The following TP63 variants were observed in gnomAD, a reference collection of about 807,000 sequenced individuals.
TP63 encodes the protein tumor protein p63, also known as tumor protein 63.
Under a neutral mutation model 82.8 loss-of-function variants are expected in TP63, and 17 were observed. That is an observed-to-expected ratio of 0.21 (90% confidence interval 0.14 to 0.31). The LOEUF (loss-of-function observed/expected upper bound fraction) is 0.31. Among genes scored for constraint, TP63 ranks in the 10% least tolerant of loss-of-function variants. The pLI is 1.00. For synonymous variants in TP63, 330 were observed against 321.7 expected, an observed-to-expected ratio of 1.03 and a Z score of -0.28; for missense variants, 648 against 895.3, an observed-to-expected ratio of 0.72 and a Z score of 3.52.
intron 1 of TP63, among the ~76,000 whole-genome samples, chr3:189,702,105 G>C (rs528957233): frequency 4.5e-4 from 68 of 152,220 alleles, no homozygotes; most frequent in African/African-American, 1.6e-3. Context: ...CCAGAGTCTG[G>C]GTCCTGCTGA....
chr3:189,890,974 A>G, intron 13 of TP63, 92 bp downstream of exon 13: 1 of 1,341,308 alleles, frequency 7.5e-7, no homozygotes, highest in Non-Finnish European at 1.0e-6. Flanking sequence ...GATAGTTTAA[A>G]AATTTGTTTT....
intron 1 of TP63, among the ~76,000 whole-genome samples, chr3:189,647,853 A>T (rs4627739): frequency 0.44 from 64,570 of 146,176 alleles, 17,935 homozygotes; most frequent in East Asian, 0.55. Context: ...ACTAAAAAGT[A>T]TGCGTACATT....
At chr3:189,828,721 C>T (rs551169309) in intron 4 of TP63, among the ~76,000 whole-genome samples, 99 of 152,246 alleles carry the variant, frequency 6.5e-4, no homozygotes, top group African/African-American at 2.2e-3. Flanking sequence ...TTGGCTAGGC[C>T]GTTTTGCTGC....
chr3:189,702,936 A>G (rs1000509547), intron 1 of TP63, among the ~76,000 whole-genome samples: 2 of 152,250 alleles, frequency 1.3e-5, no homozygotes, highest in Admixed American at 6.5e-5. Flanking sequence ...GGCTCAGGCA[A>G]TGTGTGCCAG....
intron 1 of TP63, among the ~76,000 whole-genome samples, chr3:189,688,774 T>C (rs773188104): frequency 6.6e-6 from 1 of 152,092 alleles, no homozygotes; most frequent in Non-Finnish European, 1.5e-5. Context: ...GCTGAAGAGG[T>C]CCTGGCAGGA....
intron 3 of TP63, among the ~76,000 whole-genome samples, chr3:189,744,248 G>C (rs1482474796): frequency 6.6e-6 from 1 of 152,188 alleles, no homozygotes; most frequent in Non-Finnish European, 1.5e-5. Context: ...CGCAGCTGCT[G>C]TCACTGTGGT....
At chr3:189,875,605 T>TATATATATATATATATAC (rs1718994867) in intron 10 of TP63, among the ~76,000 whole-genome samples, 5 of 58,692 alleles carry the variant, frequency 8.5e-5, no homozygotes, top group African/African-American at 3.1e-4. Flanking sequence ...TATATATATA[T>TATATATATATATATATAC]ATATATATAT....
intron 4 of TP63, among the ~76,000 whole-genome samples, chr3:189,827,766 G>C (rs1711632051): frequency 6.6e-6 from 1 of 152,128 alleles, no homozygotes; most frequent in Admixed American, 6.5e-5. Flanking sequence ...GATTGAGATG[G>C]GCTGTGAATA....
intron 3 of TP63, among the ~76,000 whole-genome samples, chr3:189,768,811 C>T (rs191581742): frequency 1.9e-4 from 29 of 152,102 alleles, no homozygotes; most frequent in South Asian, 2.1e-4. Context: ...ATGAATGTAA[C>T]GGATAAAGCA....
intron 3 of TP63, among the ~76,000 whole-genome samples, chr3:189,765,289 A>G (rs920375843): frequency 6.6e-6 from 1 of 152,090 alleles, no homozygotes; most frequent in African/African-American, 2.4e-5. Flanking sequence ...TGAGAAACAA[A>G]TGTATCCCCG....
rs566668723 is a variant in TP63 at position 189,636,434 on chromosome 3, AAACTC to A, written c.62+4868_62+4872del. ...GTTCACAACTAGAACTTTGAGAAAT[AAACTC>A]AACTCAACTCTGAAATACACCCCTT... On this transcript the variant is annotated intron_variant, in intron 1 of 13. Transcript: ENST00000264731. Among the ~76,000 whole-genome samples the A allele has an allele frequency of 4.6e-5, 7 of 152,272 alleles. No homozygotes were observed. The East Asian group carries it at 1.2e-3, about 25-fold the overall frequency.
chr3:189,695,413 C>G (rs965877762), intron 1 of TP63, among the ~76,000 whole-genome samples: 4 of 152,038 alleles, frequency 2.6e-5, no homozygotes, highest in Non-Finnish European at 4.4e-5. Context: ...TCAGGCTCAT[C>G]TTATATATGT....
chr3:189,737,311 A>G (rs1366164452), intron 1 of TP63, among the ~76,000 whole-genome samples: 4 of 152,174 alleles, frequency 2.6e-5, no homozygotes, highest in Non-Finnish European at 4.4e-5. Flanking sequence ...TCCTGGTTCT[A>G]TTTCTTACAT....
At chr3:189,867,626 G>A (rs80134288) in intron 6 of TP63, among the ~76,000 whole-genome samples, 316 of 152,258 alleles carry the variant, frequency 2.1e-3, no homozygotes, top group African/African-American at 7.3e-3. Context: ...CTCACCTAAG[G>A]TAGTGTTCAG....
chr3:189,658,472 C>G (rs886064644), intron 1 of TP63, among the ~76,000 whole-genome samples: 3 of 151,968 alleles, frequency 2.0e-5, no homozygotes, highest in Admixed American at 2.0e-4. Context: ...TTTGCAAACA[C>G]TCCTCAGACA....
chr3:189,792,459 T>A (rs142497472), intron 3 of TP63, among the ~76,000 whole-genome samples: 135 of 152,110 alleles, frequency 8.9e-4, no homozygotes, highest in African/African-American at 3.2e-3. Context: ...GTGGTGTAAG[T>A]GTGTATGTGT....
At chr3:189,675,761 T>C (rs1715339341) in intron 1 of TP63, among the ~76,000 whole-genome samples, 1 of 152,236 alleles carries the variant, frequency 6.6e-6, no homozygotes, top group Middle Eastern at 3.4e-3. Flanking sequence ...TGAAACCAGC[T>C]ACAGCCTGGA....
chr3:189,877,637 C>T (rs1719385239), intron 10 of TP63, among the ~76,000 whole-genome samples: 2 of 152,212 alleles, frequency 1.3e-5, no homozygotes, highest in South Asian at 4.1e-4. Flanking sequence ...AATTGTGGCT[C>T]ATTAGTAACA....
At chr3:189,745,297 C>A (rs1315112184) in intron 3 of TP63, among the ~76,000 whole-genome samples, 1 of 152,016 alleles carries the variant, frequency 6.6e-6, no homozygotes, top group African/African-American at 2.4e-5. Flanking sequence ...TTCTTAAATT[C>A]AAAATATTGA....
Sources: allele counts gnomAD v4.1 joint callset (sites outside exome capture counted in the v4.1 genomes callset), GRCh38; gene constraint gnomAD v4.1.1; transcripts MANE v1.5; gene names NCBI Gene and HGNC (gene_info 2026-07-23, HGNC 2026-07-21).